Variants in MAMSTR observed in about 807,000 individuals in gnomAD.
MAMSTR encodes the protein MEF2-activating motif and SAP domain-containing transcriptional regulator.
In MAMSTR, 41 loss-of-function variants were observed where a neutral mutation model predicts 42.7. The observed-to-expected ratio is 0.96, with a 90% CI of 0.75 to 1.25. MAMSTR has a LOEUF of 1.25. Ranked by LOEUF, MAMSTR falls within the 50% of genes most tolerant of loss-of-function variation. The probability of loss-of-function intolerance (pLI) is 0.00; values close to 1 mark genes in which losing one functional copy is unlikely to be tolerated. For missense variants in MAMSTR, 567 were observed against 557.6 expected (o/e 1.02, Z -0.17); for synonymous variants, 265 against 244.1 (o/e 1.09, Z -0.80).
downstream of MAMSTR, among the ~76,000 whole-genome samples, chr19:48,710,998 C>G (rs1246404407): frequency 6.6e-6 from 1 of 152,212 alleles, no homozygotes; most frequent in Admixed American, 6.5e-5. Flanking sequence ...CTCCCTCCCT[C>G]TGTGACCCAT....
Position 48,715,321 on chromosome 19 carries a change from G to T in MAMSTR, c.366C>A (p.Ala122=), listed in dbSNP as rs986099040. 3.0e-5 allele frequency: 47 copies of T among 1,588,788 alleles called. No homozygotes were observed. Among genetic ancestry groups the T allele is most frequent in the Non-Finnish European group, 4.0e-5 (47 of 1,171,066 alleles). The part of the protein sequence containing the change: ...SRADPQAEGS[A]LGPPGPSLWE... ...ACAGAGATGGCCCAGGAGGACCCAG[G>T]GCGGACCCCTCGGCTTGGGGGTCCG... The change falls in exon 5 of 10, where the codon GCC becomes GCA. Residue 122 remains alanine (A), a synonymous_variant. Transcript: ENST00000318083.
At chr19:48,707,210 A>T in the MAMSTR span, among the ~76,000 whole-genome samples, 1 of 149,836 alleles carries the variant, frequency 6.7e-6, no homozygotes, top group Non-Finnish European at 1.5e-5. Flanking sequence ...CAAAGTCAAG[A>T]GATCAAGACC....
chr19:48,716,588 C>T (rs187458596), intron 3 of MAMSTR, 117 bp downstream of exon 3: 2 of 1,183,132 alleles, frequency 1.7e-6, no homozygotes, highest in East Asian at 3.2e-5. Context: ...TGGTCTGTCC[C>T]AGGGGATGGA....
chr19:48,717,530 CTATCT>C (rs2033090424), intron 2 of MAMSTR, among the ~76,000 whole-genome samples: 1 of 138,974 alleles, frequency 7.2e-6, no homozygotes, highest in East Asian at 2.6e-4. Context: ...TGAATGTTAA[CTATCT>C]TTTTTTTTTT....
At chr19:48,714,693 T>A in intron 6 of MAMSTR, 113 bp downstream of exon 6, 1 of 1,252,474 alleles carries the variant, frequency 8.0e-7, no homozygotes, top group South Asian at 1.2e-5. Context: ...TAAAACAGGA[T>A]GGGACTGGGT....
chr19:48,716,687 T>G lies in MAMSTR; in HGVS notation c.97+18A>C. 1 of 1,330,314 alleles carries G rather than the reference T, an allele frequency of 7.5e-7. No individual in the cohort carries two copies. Among genetic ancestry groups the G allele is most frequent in the East Asian group, 3.1e-5 (1 of 32,340 alleles). 82.4% of individuals were successfully genotyped at this position (1,330,314 alleles called of 1,614,324 possible). A position where few individuals can be genotyped will look rare whatever the true frequency, so the allele number is the denominator to read the frequency against. On this transcript the variant is annotated intron_variant, in intron 3 of 9. Transcript: ENST00000318083. ...AGTGGGGGGTCACCATCCCCTCCCT[T>G]TTGGGGCCCATACTTACTCTGCTCC...
intron 3 of MAMSTR, among the ~76,000 whole-genome samples, chr19:48,716,072 G>A (rs905391991): frequency 1.3e-5 from 2 of 152,080 alleles, no homozygotes; most frequent in Non-Finnish European, 2.9e-5. Flanking sequence ...TGGGGAGAGG[G>A]AGAGGCTGAA....
intron 2 of MAMSTR, chr19:48,716,979 G>T: frequency 8.6e-7 from 1 of 1,158,452 alleles, no homozygotes. Context: ...GCCAGCCAGC[G>T]TGCAGGCTGG....
chr19:48,709,939 G>A (rs554152545), downstream of MAMSTR, among the ~76,000 whole-genome samples: 5 of 149,622 alleles, frequency 3.3e-5, no homozygotes, highest in Admixed American at 2.0e-4. Context: ...GCGTGATCTC[G>A]GCTCACTGCA....
chr19:48,717,826 T>C (rs374311378), intron 2 of MAMSTR, among the ~76,000 whole-genome samples: 30 of 152,212 alleles, frequency 2.0e-4, no homozygotes, highest in Admixed American at 1.9e-3. Flanking sequence ...TGCCTCAGCC[T>C]CCCCAGTAGC....
At chr19:48,711,264 C>T (rs927531933), downstream of MAMSTR, among the ~76,000 whole-genome samples, 1 of 152,186 alleles carries the variant, frequency 6.6e-6, no homozygotes, top group African/African-American at 2.4e-5. Context: ...TGCAAGAAAT[C>T]TAGTTATCCC....
chr19:48,707,208 A>G, the MAMSTR span, among the ~76,000 whole-genome samples: 1 of 149,592 alleles, frequency 6.7e-6, no homozygotes, highest in Non-Finnish European at 1.5e-5. Context: ...CACAAAGTCA[A>G]GAGATCAAGA....
chr19:48,714,321 T>C (rs931608360), intron 7 of MAMSTR, 45 bp downstream of exon 7: 1 of 1,338,402 alleles, frequency 7.5e-7, no homozygotes, highest in Non-Finnish European at 9.6e-7. Flanking sequence ...CCGGCCCACT[T>C]TGCTTTCTCT....
At chr19:48,706,625 G>A in the MAMSTR span, among the ~76,000 whole-genome samples, 2 of 151,982 alleles carry the variant, frequency 1.3e-5, no homozygotes, top group African/African-American at 2.4e-5. Context: ...CAACAAGAGC[G>A]AAACTTGGTC....
At chr19:48,710,270 A>ATT (rs1351063840), downstream of MAMSTR, among the ~76,000 whole-genome samples, 31 of 111,686 alleles carry the variant, frequency 2.8e-4, no homozygotes, top group African/African-American at 9.2e-4. Context: ...ACACCTGGCT[A>ATT]ATTATTTTTT....
intron 2 of MAMSTR, among the ~76,000 whole-genome samples, chr19:48,718,376 A>G (rs1601257932): frequency 7.4e-6 from 1 of 135,080 alleles, no homozygotes; most frequent in Non-Finnish European, 1.6e-5. Flanking sequence ...ACACTTGCAC[A>G]CTTCTTTTTT....
chr19:48,713,120 C>T lies in MAMSTR; in HGVS notation c.*147G>A. Reference sequence around the variant, plus strand: ...CAAAGTTAAGGCAGTTGCATGTCAGCAGCACTTCAGGAGGCAGGTGGGGTT... The same window carrying T: ...CAAAGTTAAGGCAGTTGCATGTCAGTAGCACTTCAGGAGGCAGGTGGGGTT... On this transcript the variant is annotated 3_prime_UTR_variant, in exon 10 of 10. Coordinates refer to ENST00000318083, the MANE Select transcript of MAMSTR (RefSeq NM_001130915.2). 1 of 709,322 alleles carries T rather than the reference C, an allele frequency of 1.4e-6. No individual in the cohort carries two copies. The highest frequency in any genetic ancestry group is 2.2e-6 in the Non-Finnish European group (1 of 457,266). The allele number at this position is 709,322 out of a possible 1,614,324, so 43.9% of individuals were successfully genotyped here.
rs2032771310 is a variant in MAMSTR, at chr19:48,712,939, A to G, written c.*328T>C. 1 of 237,050 alleles carries G rather than the reference A, an allele frequency of 4.2e-6. No homozygotes were observed. Among genetic ancestry groups the G allele is most frequent in the African/African-American group, 2.3e-5 (1 of 44,066 alleles). The allele number at this position is 237,050 out of a possible 1,614,324, so 14.7% of individuals were successfully genotyped here. On this transcript the variant is annotated 3_prime_UTR_variant, in exon 10 of 10. Transcript: ENST00000318083. ...GGCATAACCACCTTCCAGGCTCCCC[A>G]AACAACAGGGAGCCATCTACCGGGG...
intron 5 of MAMSTR, 65 bp from the exon 6 acceptor site, chr19:48,714,973 TC>T (rs1461892653): frequency 9.3e-7 from 1 of 1,080,326 alleles, no homozygotes; most frequent in African/African-American, 1.6e-5. Flanking sequence ...CGTTCTGGGG[TC>T]CTCAAAGACG....
Sources: allele counts gnomAD v4.1 joint callset (sites outside exome capture counted in the v4.1 genomes callset), GRCh38; gene constraint gnomAD v4.1.1; transcripts MANE v1.5; gene names NCBI Gene and HGNC (gene_info 2026-07-23, HGNC 2026-07-21).